Variants in DSCAML1 observed in about 807,000 individuals in gnomAD.
The protein encoded by DSCAML1 is cell adhesion molecule DSCAML1.
In DSCAML1, 38 loss-of-function variants were observed where a neutral mutation model predicts 200.5. The observed-to-expected ratio is 0.19, with a 90% confidence interval of 0.15 to 0.25. DSCAML1 has a LOEUF of 0.25. Ranked by LOEUF, DSCAML1 falls within the 10% of genes least tolerant of loss-of-function variation. DSCAML1 has a pLI of 1.00. For synonymous variants in DSCAML1, 1,215 were observed against 1,165.0 expected (o/e 1.04, Z -0.87); for missense variants, 2,223 against 2,858.8 (o/e 0.78, Z 5.07).
At position 117,500,657 on chromosome 11, in the gene DSCAML1, C is replaced by T. The variant is rs182502369; in HGVS notation, c.2359+3188G>A. ...CTAAAGTCTGTGCTTTTAATCACCA[C>T]ACTTTATTGACCTATTTAGTGAGTG... On this transcript the variant is annotated intron_variant, in intron 11 of 32. Transcript: ENST00000651296. Among the ~76,000 whole-genome samples, 4 of 152,318 alleles carry T rather than the reference C, an allele frequency of 2.6e-5. No homozygotes were observed. The East Asian group carries it at 7.7e-4, about 29-fold the overall frequency.
chr11:117,585,091 C>A (rs1218854813), intron 3 of DSCAML1, among the ~76,000 whole-genome samples: 1 of 152,090 alleles, frequency 6.6e-6, no homozygotes, highest in Admixed American at 6.6e-5. Flanking sequence ...AATATTATCT[C>A]CCAGGATTAT....
At chr11:117,679,553 C>T (rs1591392603) in intron 3 of DSCAML1, among the ~76,000 whole-genome samples, 1 of 152,214 alleles carries the variant, frequency 6.6e-6, no homozygotes, top group South Asian at 2.1e-4. Context: ...ATAGCCTGCT[C>T]ATATTCCTAA....
chr11:117,624,078 A>AATAGAAC (rs2051994746), intron 3 of DSCAML1, among the ~76,000 whole-genome samples: 1 of 152,226 alleles, frequency 6.6e-6, no homozygotes, highest in Admixed American at 6.5e-5. Flanking sequence ...GCAGTGAAAA[A>AATAGAAC]ATAGAACAGG....
intron 15 of DSCAML1, among the ~76,000 whole-genome samples, chr11:117,470,643 C>A (rs868400641): frequency 6.6e-6 from 1 of 152,136 alleles, no homozygotes. Flanking sequence ...GCTTATATCC[C>A]CTAGAGAAAC....
intron 3 of DSCAML1, among the ~76,000 whole-genome samples, chr11:117,660,725 G>A (rs762636136): frequency 6.6e-6 from 1 of 152,176 alleles, no homozygotes. Flanking sequence ...ATTAACAGGT[G>A]CCCTGTATAT....
intron 3 of DSCAML1, among the ~76,000 whole-genome samples, chr11:117,718,680 C>A (rs142527056): frequency 0.072 from 7,015 of 97,962 alleles, 1,108 homozygotes; most frequent in East Asian, 0.2. Flanking sequence ...CCCCCCCCCC[C>A]CCCATCATAT....
intron 11 of DSCAML1, among the ~76,000 whole-genome samples, chr11:117,492,919 G>C (rs2049215315): frequency 6.6e-6 from 1 of 152,196 alleles, no homozygotes; most frequent in Non-Finnish European, 1.5e-5. Context: ...CTCCTGATTA[G>C]CCAAGCTCCA....
intron 3 of DSCAML1, among the ~76,000 whole-genome samples, chr11:117,603,711 T>G (rs1316876521): frequency 1.3e-5 from 2 of 152,192 alleles, no homozygotes; most frequent in Non-Finnish European, 2.9e-5. Flanking sequence ...GTAAGGCCAA[T>G]AGTGGAATCA....
chr11:117,603,418 G>A (rs1022363545), intron 3 of DSCAML1, among the ~76,000 whole-genome samples: 4 of 152,252 alleles, frequency 2.6e-5, no homozygotes, highest in South Asian at 4.1e-4. Context: ...TCTTTGCTCC[G>A]TCATCTGCTC....
intron 3 of DSCAML1, among the ~76,000 whole-genome samples, chr11:117,574,377 G>A (rs1460856028): frequency 6.6e-6 from 1 of 152,174 alleles, no homozygotes; most frequent in Non-Finnish European, 1.5e-5. Context: ...GGCAGGCTCC[G>A]AAGGAGGTTG....
chr11:117,756,899 C>T (rs2054703446), intron 3 of DSCAML1, among the ~76,000 whole-genome samples: 1 of 152,142 alleles, frequency 6.6e-6, no homozygotes, highest in African/African-American at 2.4e-5. Context: ...AACTCAGATC[C>T]AATGAATCCT....
intron 14 of DSCAML1, among the ~76,000 whole-genome samples, chr11:117,474,908 C>T (rs1345940101): frequency 1.3e-5 from 2 of 152,098 alleles, no homozygotes; most frequent in Admixed American, 1.3e-4. Flanking sequence ...GCGCATGCCA[C>T]CACACCCAGA....
In DSCAML1 at chr11:117,777,812, C is replaced by T. The variant is rs1478677913; in HGVS notation, c.365-875G>A. On this transcript the variant is annotated intron_variant, in intron 2 of 32. Coordinates refer to ENST00000651296, the MANE Select transcript of DSCAML1 (RefSeq NM_020693.4). ...TGTCTGGCCCTACAGGCAGGCAGACCCAGCCCTAGGAATGGGACCAAGGCT... is the reference window on the plus strand; with the variant it reads ...TGTCTGGCCCTACAGGCAGGCAGACTCAGCCCTAGGAATGGGACCAAGGCT... Among the ~76,000 whole-genome samples, 4 of 152,200 alleles carry T rather than the reference C, an allele frequency of 2.6e-5. No homozygotes were observed. The East Asian group carries it at 7.7e-4, about 29-fold the overall frequency.
At chr11:117,633,851 C>T (rs1170473742) in intron 3 of DSCAML1, among the ~76,000 whole-genome samples, 1 of 152,114 alleles carries the variant, frequency 6.6e-6, no homozygotes, top group East Asian at 1.9e-4. Flanking sequence ...ACTTTGATGC[C>T]TGCTAAGTGG....
At chr11:117,686,332 G>A (rs1456445494) in intron 3 of DSCAML1, among the ~76,000 whole-genome samples, 2 of 152,244 alleles carry the variant, frequency 1.3e-5, no homozygotes, top group Non-Finnish European at 2.9e-5. Flanking sequence ...GGTGGGATTA[G>A]TTCCCAGAGG....
intron 1 of DSCAML1, among the ~76,000 whole-genome samples, chr11:117,793,485 A>G (rs1369581312): frequency 1.3e-5 from 2 of 152,182 alleles, no homozygotes; most frequent in Non-Finnish European, 2.9e-5. Context: ...GCAAGTGGCA[A>G]GTGGCAAGGA....
intron 3 of DSCAML1, among the ~76,000 whole-genome samples, chr11:117,691,744 CAG>C (rs1565877334): frequency 1.3e-5 from 2 of 152,254 alleles, no homozygotes; most frequent in African/African-American, 2.4e-5. Flanking sequence ...GAAAAAGGAA[CAG>C]GGGAGGGGCT....
chr11:117,563,926 T>C (rs1471871177), intron 3 of DSCAML1, among the ~76,000 whole-genome samples: 1 of 152,164 alleles, frequency 6.6e-6, no homozygotes, highest in African/African-American at 2.4e-5. Flanking sequence ...TCTCTGCATC[T>C]GTGACGGGTG....
chr11:117,459,888 G>C (rs993120050), intron 18 of DSCAML1, among the ~76,000 whole-genome samples: 3 of 152,232 alleles, frequency 2.0e-5, no homozygotes, highest in Non-Finnish European at 2.9e-5. Flanking sequence ...CAGCTGCTGG[G>C]ATCCAGAGGG....
Sources: gnomAD v4.1 joint callset for allele counts (sites outside exome capture counted in the v4.1 genomes callset) on GRCh38, gnomAD v4.1.1 for gene constraint, MANE v1.5 for transcripts, NCBI Gene and HGNC (gene_info 2026-07-23, HGNC 2026-07-21) for gene names.